Variants in CEP170B observed in about 807,000 individuals in gnomAD.
The protein encoded by CEP170B is centrosomal protein of 170 kDa protein B.
CEP170B carries 55 observed loss-of-function variants against 120.6 expected under a neutral mutation model. The ratio of observed to expected loss-of-function variants is 0.46; its 90% CI spans 0.37 to 0.57. CEP170B has a LOEUF of 0.57. CEP170B is among the 20% of genes least tolerant of loss of function. The probability of loss-of-function intolerance (pLI) is 0.00; values close to 1 mark genes in which losing one functional copy is unlikely to be tolerated. For synonymous variants in CEP170B, 1,033 were observed against 954.5 expected (o/e 1.08, Z -1.52); for missense variants, 2,212 against 2,253.3 (o/e 0.98, Z 0.37).
Position 104,880,281 on chromosome 14 carries a change from C to T in CEP170B, c.334-6C>T. 1.3e-6 allele frequency: 2 copies of T among 1,591,558 alleles called. No individual in the cohort carries two copies. Among genetic ancestry groups the T allele is most frequent in the Non-Finnish European group, 1.7e-6 (2 of 1,169,956 alleles). On this transcript the variant is annotated splice_region_variant and splice_polypyrimidine_tract_variant and intron_variant, in intron 5 of 18. Coordinates refer to ENST00000414716, the MANE Select transcript of CEP170B (RefSeq NM_001112726.3). ...CAGTACCTCACCCCGCCTGGCCTGC[C>T]CACAGCATGAAAAGTACACCAGCCA...
chr14:104,877,237 C>T (rs908478615), intron 3 of CEP170B, among the ~76,000 whole-genome samples: 8 of 152,208 alleles, frequency 5.3e-5, no homozygotes, highest in Non-Finnish European at 1.0e-4. Context: ...AGCAAGTGGC[C>T]GCTCCTCTGC....
At chr14:104,879,844 AG>A (rs1485281525) in intron 5 of CEP170B, among the ~76,000 whole-genome samples, 2 of 152,142 alleles carry the variant, frequency 1.3e-5, no homozygotes, top group Non-Finnish European at 2.9e-5. Context: ...GCACAGATTC[AG>A]GGCCCTGTTC....
At position 104,884,064 on chromosome 14, in the gene CEP170B, G is replaced by T; in HGVS notation, c.1285G>T (p.Asp429Tyr). The T allele has an allele frequency of 6.2e-7, 1 of 1,607,556 alleles. No individual in the cohort carries two copies. Among genetic ancestry groups the T allele is most frequent in the South Asian group, 1.1e-5 (1 of 90,260 alleles). Residue 429 changes from aspartate to tyrosine, a missense_variant, in exon 9 of 19, where the codon GAC (aspartate) becomes TAC (tyrosine). Asp to Tyr is a radical substitution (Grantham distance 160). This residue lies in a region of CEP170B where 2,166 missense variants were observed against 2,166.7 expected (regional missense o/e 1.00). Coordinates refer to ENST00000414716, the MANE Select transcript of CEP170B (RefSeq NM_001112726.3). ...SQSFTHSPSG[D>Y]PKADKRRGPT... ...GTCCTTCACGCACAGCCCGTCCGGG[G>T]ACCCCAAGGCCGACAAGCGCCGTGG... is the stretch of plus-strand genomic sequence containing the variant.
rs1595344844 is a variant in CEP170B at position 104,885,239 on chromosome 14, C to T, written c.1771-130C>T. On this transcript the variant is annotated intron_variant, in intron 9 of 18. Coordinates refer to ENST00000414716, the MANE Select transcript of CEP170B (RefSeq NM_001112726.3). The stretch of plus-strand genomic sequence containing the variant: ...TCCTGCTGACAGCCAGGCTGCATGT[C>T]CCGGCCACCAGCCACTCTGGCCAAC... 2 of 1,021,202 alleles carry T rather than the reference C, an allele frequency of 2.0e-6. 1 individual carries two copies. The highest frequency in any genetic ancestry group is 3.5e-5 in the South Asian group (2 of 56,984). 63.3% of individuals were successfully genotyped at this position (1,021,202 alleles called of 1,614,324 possible).
Position 104,880,271 on chromosome 14 carries a change from C to T in CEP170B, c.334-16C>T. 1 of 1,579,802 alleles carries T rather than the reference C, an allele frequency of 6.3e-7. No individual in the cohort carries two copies. Among genetic ancestry groups the T allele is most frequent in the East Asian group, 2.3e-5 (1 of 43,118 alleles). Reference sequence around the variant, plus strand: ...AGGCTGGGCCCAGTACCTCACCCCGCCTGGCCTGCCCACAGCATGAAAAGT... The same window carrying T: ...AGGCTGGGCCCAGTACCTCACCCCGTCTGGCCTGCCCACAGCATGAAAAGT... On this transcript the variant is annotated splice_polypyrimidine_tract_variant and intron_variant, in intron 5 of 18. Coordinates refer to ENST00000414716, the MANE Select transcript of CEP170B (RefSeq NM_001112726.3).
rs547825358 is a variant in CEP170B, at chr14:104,895,630, G to C, written c.*672G>C. On this transcript the variant is annotated 3_prime_UTR_variant, in exon 19 of 19. Transcript: ENST00000414716. ...CCTCCTGGGTATGGACCAGGGGCTTGTTGAGAGCTGAGCCATGCACACAGG... is the reference window on the plus strand; with the variant it reads ...CCTCCTGGGTATGGACCAGGGGCTTCTTGAGAGCTGAGCCATGCACACAGG... 2 of 152,950 alleles carry C rather than the reference G, an allele frequency of 1.3e-5. No individual in the cohort carries two copies. Among genetic ancestry groups the C allele is most frequent in the Admixed American group, 6.5e-5 (1 of 15,316 alleles). 9.5% of individuals were successfully genotyped at this position (152,950 alleles called of 1,614,324 possible). A position where few individuals can be genotyped will look rare whatever the true frequency, so the allele number is the denominator to read the frequency against.
At position 104,883,155 on chromosome 14, in the gene CEP170B, C is replaced by A. The variant is rs1896247189; in HGVS notation, c.698C>A (p.Thr233Asn). The A allele has an allele frequency of 1.2e-6, 2 of 1,608,186 alleles. No individual in the cohort carries two copies. The highest frequency in any genetic ancestry group is 2.2e-5 in the South Asian group (2 of 90,604). ...PSYFEIPTKE[T>N]PQPSQPPEVP... is the part of the protein sequence containing the mutation. ...TACTTCGAGATCCCCACGAAGGAGACCCCGCAGCCGTCGCAGCCCCCCGAG... is the reference window on the plus strand; with the variant it reads ...TACTTCGAGATCCCCACGAAGGAGAACCCGCAGCCGTCGCAGCCCCCCGAG... The change falls in exon 8 of 19, where the codon ACC (threonine) becomes AAC (asparagine). Residue 233 changes from threonine to asparagine, a missense_variant. Physicochemically the swap from Thr to Asn is moderately conservative, Grantham distance 65 (BLOSUM62 0). Around this residue, in one of 2 missense-constraint regions of CEP170B, gnomAD observed 2,166 missense variants for 2,166.7 expected, o/e 1.00. Transcript: ENST00000414716.
Position 104,892,993 on chromosome 14 carries a change from T to C in CEP170B, c.3896T>C (p.Val1299Ala). ...AEIARLSQTL[V>A]KDVAILAQEI... Reference sequence around the variant, plus strand: ...GGCTGCAGGCTGAGCCAGACGCTGGTGAAGGACGTGGCCATCCTAGCCCAG... The same window carrying C: ...GGCTGCAGGCTGAGCCAGACGCTGGCGAAGGACGTGGCCATCCTAGCCCAG... Residue 1299 changes from valine to alanine, a missense_variant, in exon 14 of 19, where the codon GTG (valine) becomes GCG (alanine). Coordinates refer to ENST00000414716, the MANE Select transcript of CEP170B (RefSeq NM_001112726.3). 6.4e-7 allele frequency: 1 copy of C among 1,570,884 alleles called. No individual in the cohort carries two copies.
At chr14:104,876,409 T>C in intron 3 of CEP170B, 64 bp downstream of exon 3, 1 of 1,468,576 alleles carries the variant, frequency 6.8e-7, no homozygotes, top group Non-Finnish European at 9.3e-7. Context: ...GGCCCCTCCC[T>C]CTCAGTTCTG....
At chr14:104,878,032 A>C in intron 4 of CEP170B, 69 bp downstream of exon 4, 1 of 1,285,566 alleles carries the variant, frequency 7.8e-7, no homozygotes, top group Non-Finnish European at 1.1e-6. Context: ...TCACCCTGTT[A>C]CTCCAGAAGC....
In CEP170B at chr14:104,894,900, G is replaced by A; in HGVS notation, c.4607G>A (p.Gly1536Glu). The part of the protein sequence containing the change: ...LRNFPQRASC[G>E]PPSLPDPTFL... ...AATTTCCCACAGCGGGCCAGCTGTG[G>A]GCCTCCCAGCCTCCCGGACCCCACC... Residue 1536 changes from glycine to glutamate, a missense_variant, in exon 19 of 19, where the codon GGG (glycine) becomes GAG (glutamate). Gly to Glu is a moderately conservative substitution (Grantham distance 98). Transcript: ENST00000414716. 6.2e-7 allele frequency: 1 copy of A among 1,600,400 alleles called. No individual in the cohort carries two copies. Among genetic ancestry groups the A allele is most frequent in the Non-Finnish European group, 8.5e-7 (1 of 1,174,324 alleles).
In CEP170B at chr14:104,868,489, C is replaced by A; in HGVS notation, c.39C>A (p.Gly13=). The part of the protein sequence containing the change: ...ATSWFLVSSS[G]ARHRLPRELI... ...CCTGGTTCCTGGTGAGCAGCAGCGG[C>A]GCCCGCCACCGGCTCCCTCGGGAGC... The change falls in exon 2 of 19, where the codon GGC becomes GGA. Residue 13 remains glycine, a synonymous_variant. Coordinates refer to ENST00000414716, the MANE Select transcript of CEP170B (RefSeq NM_001112726.3). This position sits in a 1 kb window ranked among gnomAD's most constrained non-coding sequence, Gnocchi z 5.9. The A allele has an allele frequency of 6.5e-7, 1 of 1,549,378 alleles. No homozygotes were observed. Among genetic ancestry groups the A allele is most frequent in the Non-Finnish European group, 8.7e-7 (1 of 1,146,922 alleles).
At chr14:104,872,438 T>TGTGGGTGTGCC (rs1895607469) in intron 2 of CEP170B, among the ~76,000 whole-genome samples, 2 of 122,714 alleles carry the variant, frequency 1.6e-5, no homozygotes, top group African/African-American at 4.2e-5. Flanking sequence ...CGTGTGTGCG[T>TGTGGGTGTGCC]GTGTGTGCCA....
chr14:104,895,075 A>C lies in CEP170B; in HGVS notation c.*117A>C. On this transcript the variant is annotated 3_prime_UTR_variant, in exon 19 of 19. Coordinates refer to ENST00000414716, the MANE Select transcript of CEP170B (RefSeq NM_001112726.3). The stretch of plus-strand genomic sequence containing the variant: ...CCCTGAAGACCCCCACATGTGCCAT[A>C]TCCCTGTGGGCGGGTGCCTCCCACG... 8.2e-7 allele frequency: 1 copy of C among 1,222,268 alleles called. No homozygotes were observed. The highest frequency in any genetic ancestry group is 1.1e-6 in the Non-Finnish European group (1 of 902,194). 75.7% of individuals were successfully genotyped at this position (1,222,268 alleles called of 1,614,324 possible). A position where few individuals can be genotyped will look rare whatever the true frequency, so the allele number is the denominator to read the frequency against.
chr14:104,881,681 A>G (rs77494727), intron 6 of CEP170B, among the ~76,000 whole-genome samples: 64,476 of 151,788 alleles, frequency 0.42, 16,516 homozygotes, highest in Middle Eastern at 0.66. Context: ...GCTCCGTTAG[A>G]GCGAGGGCAG....
intron 12 of CEP170B, 112 bp from the exon 13 acceptor site, chr14:104,889,508 C>T: frequency 6.4e-7 from 1 of 1,563,880 alleles, no homozygotes; most frequent in Non-Finnish European, 8.6e-7. Context: ...CCAATTCACT[C>T]ACCAAGACAC....
chr14:104,886,148 T>C lies in CEP170B; in HGVS notation c.2035+18T>C. On this transcript the variant is annotated intron_variant, in intron 11 of 18. Transcript: ENST00000414716. ...CCTCACAGGTAAGTGGCTCCAGTGC[T>C]GCGGGGGAGTCGGGCCAGGCCGGGG... 1 of 1,519,438 alleles carries C rather than the reference T, an allele frequency of 6.6e-7. No individual in the cohort carries two copies. Among genetic ancestry groups the C allele is most frequent in the Non-Finnish European group, 8.8e-7 (1 of 1,135,102 alleles). The allele number at this position is 1,519,438 out of a possible 1,614,324, so 94.1% of individuals were successfully genotyped here.
At position 104,893,506 on chromosome 14, in the gene CEP170B, G is replaced by A. The variant is rs779550886; in HGVS notation, c.4039-17G>A. The A allele has an allele frequency of 1.2e-5, 19 of 1,597,064 alleles. No homozygotes were observed. Among genetic ancestry groups the A allele is most frequent in the African/African-American group, 5.4e-5 (4 of 74,512 alleles). Reference sequence around the variant, plus strand: ...GCCTCTGCCTGGGGCCCACGGTGCCGGCCCTCCCTCTTGCAGCTGGTGCAG... The same window carrying A: ...GCCTCTGCCTGGGGCCCACGGTGCCAGCCCTCCCTCTTGCAGCTGGTGCAG... On this transcript the variant is annotated splice_polypyrimidine_tract_variant and intron_variant, in intron 14 of 18. Coordinates refer to ENST00000414716, the MANE Select transcript of CEP170B (RefSeq NM_001112726.3).
Position 104,868,391 on chromosome 14 carries a change from G to A in CEP170B, c.-27-33G>A. On this transcript the variant is annotated intron_variant, in intron 1 of 18. Transcript: ENST00000414716. This position sits in a 1 kb window ranked among gnomAD's most constrained non-coding sequence, Gnocchi z 5.9. ...TCCAGGGGGCTAAGAACCAGGCCAG[G>A]GAGCCCCACTCTAACAATCCCCTCT... The A allele has an allele frequency of 2.7e-6, 4 of 1,458,684 alleles. No homozygotes were observed. Among genetic ancestry groups the A allele is most frequent in the Admixed American group, 2.0e-5 (1 of 50,506 alleles). The allele number at this position is 1,458,684 out of a possible 1,614,324, so 90.4% of individuals were successfully genotyped here.
Sources: gnomAD v4.1 joint callset for allele counts (sites outside exome capture counted in the v4.1 genomes callset) on GRCh38, gnomAD v4.1.1 for gene constraint, gnomAD v4.1.1 regional missense constraint, Gnocchi (gnomAD v3.1) non-coding constraint, MANE v1.5 for transcripts, NCBI Gene and HGNC (gene_info 2026-07-23, HGNC 2026-07-21) for gene names.